Variants in LRP1B observed in about 807,000 individuals in gnomAD.
LRP1B encodes the protein LDL receptor related protein 1B, also known as low-density lipoprotein receptor-related protein 1B.
In LRP1B, 217 loss-of-function variants were observed where a neutral mutation model predicts 556.6. The observed-to-expected ratio is 0.39, with a 90% CI of 0.35 to 0.44. LRP1B has a LOEUF of 0.44. Ranked by LOEUF, LRP1B falls within the 20% of genes least tolerant of loss-of-function variation. The pLI, the probability that LRP1B is intolerant of heterozygous loss-of-function variation, is 1.00. For synonymous variants in LRP1B, 2,047 were observed against 1,865.8 expected, an observed-to-expected ratio of 1.10 and a Z score of -2.50; for missense variants, 5,053 against 5,620.8, an observed-to-expected ratio of 0.90 and a Z score of 3.23.
At chr2:142,021,246 T>C (rs1703320943) in intron 1 of LRP1B, among the ~76,000 whole-genome samples, 1 of 152,130 alleles carries the variant, frequency 6.6e-6, no homozygotes, top group Admixed American at 6.5e-5. Context: ...TTCTCTCAAG[T>C]TATTTACTGC....
intron 2 of LRP1B, among the ~76,000 whole-genome samples, chr2:141,670,165 A>G (rs925304629): frequency 6.6e-6 from 1 of 152,048 alleles, no homozygotes; most frequent in African/African-American, 2.4e-5. Context: ...TTTTTTTCTG[A>G]TTTAGGCTTT....
At chr2:140,687,811 T>G (rs1686103240) in intron 41 of LRP1B, among the ~76,000 whole-genome samples, 1 of 152,122 alleles carries the variant, frequency 6.6e-6, no homozygotes, top group Non-Finnish European at 1.5e-5. Context: ...AACAGGAAAC[T>G]TCACTCCTGC....
At position 141,333,220 on chromosome 2, in the gene LRP1B, G is replaced by A. The variant is rs536000741; in HGVS notation, c.344-78579C>T. 5.3e-5 allele frequency among the ~76,000 whole-genome samples: 8 copies of A among 152,140 alleles called. No individual in the cohort carries two copies. The South Asian group carries it at 1.7e-3, about 32-fold the overall frequency. On this transcript the variant is annotated intron_variant, in intron 3 of 90. Transcript: ENST00000389484. ...ACTGACATTCAGCTTGAGAATCATG[G>A]TAGTTACTCAATAGGGGATAAACGC... is the stretch of plus-strand genomic sequence containing the variant.
intron 1 of LRP1B, among the ~76,000 whole-genome samples, chr2:141,980,021 C>G (rs1182791129): frequency 6.6e-6 from 1 of 152,100 alleles, no homozygotes; most frequent in East Asian, 1.9e-4. Context: ...TTTGAGGTCA[C>G]CTTGTATAAT....
At chr2:141,258,204 C>T (rs550650041) in intron 3 of LRP1B, among the ~76,000 whole-genome samples, 11 of 152,092 alleles carry the variant, frequency 7.2e-5, no homozygotes, top group South Asian at 2.1e-4. Context: ...GAGAAGCTGT[C>T]GCTGGAAGTG....
intron 11 of LRP1B, among the ~76,000 whole-genome samples, chr2:141,032,635 C>T (rs1698404777): frequency 6.6e-6 from 1 of 151,720 alleles, no homozygotes; most frequent in African/African-American, 2.4e-5. Flanking sequence ...CTGTGAACTG[C>T]CTCAATAAGT....
Position 140,942,547 on chromosome 2 carries a change from CAT to C in LRP1B, c.3136+7686_3136+7687del, listed in dbSNP as rs1389595574. Reference sequence around the variant, plus strand: ...TTTAAAGGCAGCTAGAGACAAAAGTCATATCACCTTCAAAGTGAATCCTATCA... The same window carrying C: ...TTTAAAGGCAGCTAGAGACAAAAGTCATCACCTTCAAAGTGAATCCTATCA... On this transcript the variant is annotated intron_variant, in intron 20 of 90. Coordinates refer to ENST00000389484, the MANE Select transcript of LRP1B (RefSeq NM_018557.3). Among the ~76,000 whole-genome samples, 3 of 152,218 alleles carry C rather than the reference CAT, an allele frequency of 2.0e-5. No individual in the cohort carries two copies. In the East Asian group the frequency reaches 5.8e-4, roughly 29 times the overall value.
At chr2:141,209,941 G>T (rs1011602873) in intron 6 of LRP1B, among the ~76,000 whole-genome samples, 1 of 152,072 alleles carries the variant, frequency 6.6e-6, no homozygotes, top group Admixed American at 6.6e-5. Context: ...AAAGTGAGTT[G>T]TATGAAGTTA....
intron 60 of LRP1B, among the ~76,000 whole-genome samples, chr2:140,462,239 CA>C (rs1687355555): frequency 2.6e-5 from 4 of 152,158 alleles, no homozygotes; most frequent in Admixed American, 2.6e-4. Context: ...CCCCTCACAC[CA>C]GGAATACTGC....
chr2:140,241,190 T>G (rs144659914), intron 87 of LRP1B, among the ~76,000 whole-genome samples: 5 of 150,888 alleles, frequency 3.3e-5, no homozygotes, highest in African/African-American at 1.2e-4. Flanking sequence ...TTTATATGCA[T>G]CTGTAATTTA....
At chr2:141,139,739 T>C (rs79919392) in intron 7 of LRP1B, among the ~76,000 whole-genome samples, 12,978 of 151,728 alleles carry the variant, frequency 0.086, 962 homozygotes, top group African/African-American at 0.2. Context: ...TTCTTATATA[T>C]TACTGGTAGA....
At chr2:140,295,629 T>C (rs989386496) in intron 84 of LRP1B, among the ~76,000 whole-genome samples, 1 of 152,224 alleles carries the variant, frequency 6.6e-6, no homozygotes, top group Non-Finnish European at 1.5e-5. Flanking sequence ...CTCTCGCAAA[T>C]GCTAAATAGG....
At chr2:141,599,551 C>A (rs570698354) in intron 2 of LRP1B, among the ~76,000 whole-genome samples, 30 of 152,222 alleles carry the variant, frequency 2.0e-4, no homozygotes, top group Non-Finnish European at 3.7e-4. Context: ...GCAACTATTA[C>A]TATCAGAATG....
chr2:140,910,351 G>T (rs1300173302), intron 21 of LRP1B, among the ~76,000 whole-genome samples: 1 of 151,672 alleles, frequency 6.6e-6, no homozygotes, highest in African/African-American at 2.4e-5. Flanking sequence ...CAATCTGGAG[G>T]ATAAACAATA....
intron 41 of LRP1B, among the ~76,000 whole-genome samples, chr2:140,681,371 T>C (rs539466593): frequency 6.6e-6 from 1 of 152,296 alleles, no homozygotes; most frequent in African/African-American, 2.4e-5. Context: ...TAATAATTTA[T>C]ATTAAGAAAT....
intron 86 of LRP1B, among the ~76,000 whole-genome samples, chr2:140,258,982 T>G (rs1446095552): frequency 6.6e-6 from 1 of 152,148 alleles, no homozygotes; most frequent in African/African-American, 2.4e-5. Context: ...AAGACATACA[T>G]ATAGCTGTGA....
chr2:140,966,490 C>T (rs932461346), intron 18 of LRP1B, among the ~76,000 whole-genome samples: 9 of 152,222 alleles, frequency 5.9e-5, no homozygotes, highest in East Asian at 1.9e-4. Flanking sequence ...TTCTCCCATT[C>T]TGTAGGTTGC....
intron 3 of LRP1B, among the ~76,000 whole-genome samples, chr2:141,435,629 G>A (rs1680735802): frequency 6.6e-6 from 1 of 152,196 alleles, no homozygotes; most frequent in Admixed American, 6.5e-5. Context: ...TGTTTACTGA[G>A]TGTCACTCCC....
At chr2:140,741,567 A>G (rs1054972794) in intron 35 of LRP1B, among the ~76,000 whole-genome samples, 1 of 152,044 alleles carries the variant, frequency 6.6e-6, no homozygotes, top group African/African-American at 2.4e-5. Context: ...TTGGTGTACA[A>G]ATAATTTTGT....
Sources: allele counts gnomAD v4.1 joint callset (sites outside exome capture counted in the v4.1 genomes callset), GRCh38; gene constraint gnomAD v4.1.1; transcripts MANE v1.5; gene names NCBI Gene and HGNC (gene_info 2026-07-23, HGNC 2026-07-21).